TRAF3IP2: variants seen among roughly 807,000 people sequenced by gnomAD.
TRAF3IP2 encodes E3 ubiquitin ligase TRAF3IP2.
In TRAF3IP2, 35 loss-of-function variants were observed where a neutral mutation model predicts 57.9. That is an observed-to-expected ratio of 0.60 (90% CI 0.46 to 0.80). The LOEUF is 0.80. Among genes scored for constraint, TRAF3IP2 ranks in the 30% least tolerant of loss-of-function variants. TRAF3IP2 has a pLI of 0.00. For missense variants in TRAF3IP2, 556 were observed against 706.4 expected (o/e 0.79, Z 2.41); for synonymous variants, 251 against 268.9 (o/e 0.93, Z 0.65).
intron 1 of TRAF3IP2, chr6:111,601,735 T>C (rs931680293): frequency 6.6e-6 from 1 of 152,230 alleles, no homozygotes; most frequent in Non-Finnish European, 1.5e-5. Context: ...AATCTATAAA[T>C]TTACAGCTGG....
rs191696872 is a variant in TRAF3IP2, at chr6:111,557,182, G to A, written c.*2223C>T. On this transcript the variant is annotated 3_prime_UTR_variant, in exon 9 of 9. Coordinates refer to ENST00000368761, the MANE Select transcript of TRAF3IP2 (RefSeq NM_147686.4). ...CTGTCTTGTAGCACAAGTGAGCCTTGTTTAAGAGGCTAGTAGATAAAGAAG... is the reference window on the plus strand; with the variant it reads ...CTGTCTTGTAGCACAAGTGAGCCTTATTTAAGAGGCTAGTAGATAAAGAAG... The A allele has an allele frequency of 6.6e-6, 1 of 151,898 alleles. No individual in the cohort carries two copies. The highest frequency in any genetic ancestry group is 1.5e-5 in the Non-Finnish European group (1 of 68,008). 9.4% of individuals were successfully genotyped at this position (151,898 alleles called of 1,614,324 possible). A position where few individuals can be genotyped will look rare whatever the true frequency, so the allele number is the denominator to read the frequency against.
At chr6:111,584,986 C>T (rs1397033362) in intron 2 of TRAF3IP2, among the ~76,000 whole-genome samples, 3 of 152,140 alleles carry the variant, frequency 2.0e-5, no homozygotes, top group Admixed American at 2.0e-4. Flanking sequence ...TCTGCTAGGC[C>T]CCACTGACTT....
chr6:111,582,522 T>G (rs1796198911), intron 2 of TRAF3IP2, among the ~76,000 whole-genome samples: 1 of 152,192 alleles, frequency 6.6e-6, no homozygotes, highest in Non-Finnish European at 1.5e-5. Context: ...CAAGGTCTAC[T>G]GCACAGGCTT....
At chr6:111,602,355 T>A (rs1225950868) in intron 1 of TRAF3IP2, 1 of 152,096 alleles carries the variant, frequency 6.6e-6, no homozygotes, top group Non-Finnish European at 1.5e-5. Context: ...TGTTTTTTTG[T>A]TTCTTCAGAT....
intron 1 of TRAF3IP2, among the ~76,000 whole-genome samples, chr6:111,596,753 G>A (rs922529047): frequency 2.6e-5 from 4 of 151,812 alleles, no homozygotes; most frequent in South Asian, 2.1e-4. Flanking sequence ...TGCGCCAGTC[G>A]GTGTGCCTGA....
intron 5 of TRAF3IP2, among the ~76,000 whole-genome samples, chr6:111,567,953 C>A (rs1019328006): frequency 6.6e-6 from 1 of 152,262 alleles, no homozygotes; most frequent in Middle Eastern, 3.4e-3. Context: ...TCTATGGCTA[C>A]ACAATAATCA....
At chr6:111,569,465 T>C (rs1281640509) in intron 5 of TRAF3IP2, among the ~76,000 whole-genome samples, 1 of 152,152 alleles carries the variant, frequency 6.6e-6, no homozygotes, top group African/African-American at 2.4e-5. Context: ...TAAATGGTGA[T>C]AATTGGCCGG....
At position 111,591,351 on chromosome 6, in the gene TRAF3IP2, C is replaced by T. The variant is rs1364602237; in HGVS notation, c.736G>A (p.Ala246Thr). The T allele has an allele frequency of 1.2e-5, 19 of 1,535,048 alleles. No individual in the cohort carries two copies. Among genetic ancestry groups the T allele is most frequent in the Non-Finnish European group, 1.7e-5 (19 of 1,144,272 alleles). Residue 246 changes from alanine to threonine, a missense_variant, in exon 2 of 9, where the codon GCA becomes ACA. Transcript: ENST00000368761. This position sits in a 1 kb window ranked among gnomAD's most constrained non-coding sequence, Gnocchi z 4.9. Reference protein sequence around the residue: ...FPQFEPQRYPACAQMLPPNLS... With the variant: ...FPQFEPQRYPTCAQMLPPNLS... The stretch of plus-strand genomic sequence containing the variant: ...TTGGGAGGCAGCATCTGTGCACATG[C>T]TGGATACCTCTGAGGTTCAAACTGA...
At chr6:111,575,224 TA>T (rs777373037) in intron 4 of TRAF3IP2, among the ~76,000 whole-genome samples, 10 of 151,028 alleles carry the variant, frequency 6.6e-5, no homozygotes, top group Admixed American at 2.0e-4. Flanking sequence ...GACCCTGTCT[TA>T]AAAAAAAGGA....
rs1795248354 is a variant in TRAF3IP2, at chr6:111,556,624, A to AT, written c.*2780dup. On this transcript the variant is annotated 3_prime_UTR_variant, in exon 9 of 9. Transcript: ENST00000368761. ...ACCAGGTCTCAAAACTACGGAACTAATGTTACATGTCAGAAAGTCTTACAA... is the reference window on the plus strand; with the variant it reads ...ACCAGGTCTCAAAACTACGGAACTAATTGTTACATGTCAGAAAGTCTTACAA... The AT allele has an allele frequency of 6.6e-6, 1 of 152,272 alleles. No homozygotes were observed. Among genetic ancestry groups the AT allele is most frequent in the African/African-American group, 2.4e-5 (1 of 41,474 alleles). The allele number at this position is 152,272 out of a possible 1,614,324, so 9.4% of individuals were successfully genotyped here.
At position 111,591,717 on chromosome 6, in the gene TRAF3IP2, C is replaced by G. The variant is rs1456084076; in HGVS notation, c.370G>C (p.Ala124Pro). 4 of 1,614,242 alleles carry G rather than the reference C, an allele frequency of 2.5e-6. No homozygotes were observed. In the East Asian group the frequency reaches 8.9e-5, roughly 36 times the overall value. Residue 124 changes from alanine (A) to proline (P), a missense_variant, in exon 2 of 9, where the codon GCC becomes CCC. By Grantham distance (27) the Ala-to-Pro change is conservative. Transcript: ENST00000368761. The surrounding 1 kb of genome is among the most constrained non-coding windows in gnomAD (Gnocchi z 4.9). ...SEPASESVVGALPAEHQFSFM... is the reference protein window; with the variant it reads ...SEPASESVVGPLPAEHQFSFM... The stretch of plus-strand genomic sequence containing the variant: ...GAAAACTGATGCTCTGCAGGGAGGG[C>G]TCCAACCACAGACTCAGACGCAGGC...
chr6:111,596,415 C>A (rs1387496369), intron 1 of TRAF3IP2, among the ~76,000 whole-genome samples: 1 of 152,160 alleles, frequency 6.6e-6, no homozygotes, highest in Non-Finnish European at 1.5e-5. Context: ...ACCTCAGTCT[C>A]CCAAGTAGCT....
chr6:111,567,733 G>A lies in TRAF3IP2; in HGVS notation c.1291-41C>T, dbSNP rs545934826. ...TGTGGGAGTTGGCCCTTAATGAGAG[G>A]TTCTCTCAAGATGCAGAGCAGAAGA... On this transcript the variant is annotated intron_variant, in intron 5 of 8. Coordinates refer to ENST00000368761, the MANE Select transcript of TRAF3IP2 (RefSeq NM_147686.4). 1.7e-5 allele frequency: 25 copies of A among 1,511,234 alleles called. No individual in the cohort carries two copies. The South Asian group carries it at 2.8e-4, about 17-fold the overall frequency. The allele number at this position is 1,511,234 out of a possible 1,614,324, so 93.6% of individuals were successfully genotyped here.
At chr6:111,567,302 A>T (rs774200689) in intron 6 of TRAF3IP2, 17 of 1,068,820 alleles carry the variant, frequency 1.6e-5, no homozygotes, top group Non-Finnish European at 1.9e-5. Flanking sequence ...GTGGCCTCAG[A>T]TTAAATTGAA....
chr6:111,604,718 A>G (rs542155205), intron 1 of TRAF3IP2, among the ~76,000 whole-genome samples: 127 of 152,322 alleles, frequency 8.3e-4, no homozygotes, highest in Middle Eastern at 3.4e-3. Flanking sequence ...GTGAGCACCT[A>G]CTAGGCATTT....
At chr6:111,568,025 ATATAT>A (rs1482916545) in intron 5 of TRAF3IP2, among the ~76,000 whole-genome samples, 3 of 152,224 alleles carry the variant, frequency 2.0e-5, no homozygotes, top group African/African-American at 7.2e-5. Flanking sequence ...AGCAATATAC[ATATAT>A]TATATATCTG....
At chr6:111,590,869 A>T (rs1206674803) in intron 2 of TRAF3IP2, among the ~76,000 whole-genome samples, 4 of 152,178 alleles carry the variant, frequency 2.6e-5, no homozygotes, top group Admixed American at 1.3e-4. Flanking sequence ...TTCTCTGCCA[A>T]GTCTAAGATG....
intron 5 of TRAF3IP2, among the ~76,000 whole-genome samples, chr6:111,569,555 C>G (rs1795764419): frequency 6.6e-6 from 1 of 152,016 alleles, no homozygotes; most frequent in African/African-American, 2.4e-5. Context: ...AGTGTGAGAC[C>G]AGCCTGGCAA....
chr6:111,561,925 G>C lies in TRAF3IP2; in HGVS notation c.1551+1040C>G, dbSNP rs1260564058. Among the ~76,000 whole-genome samples the C allele has an allele frequency of 2.6e-5, 4 of 152,208 alleles. 1 individual carries two copies. Among genetic ancestry groups the C allele is most frequent in the African/African-American group, 9.6e-5 (4 of 41,460 alleles). ...GGGCAAAGGCAGCGCAGGGAGGATA[G>C]AAAGGTGTGCCATCGCACAGGCTGT... On this transcript the variant is annotated intron_variant, in intron 8 of 8. Coordinates refer to ENST00000368761, the MANE Select transcript of TRAF3IP2 (RefSeq NM_147686.4).
Sources: gnomAD v4.1 joint callset for allele counts (sites outside exome capture counted in the v4.1 genomes callset) on GRCh38, gnomAD v4.1.1 for gene constraint, Gnocchi (gnomAD v3.1) non-coding constraint, MANE v1.5 for transcripts, NCBI Gene and HGNC (gene_info 2026-07-23, HGNC 2026-07-21) for gene names.